The following AMPD2 variants were observed in gnomAD, a reference collection of about 807,000 sequenced individuals.
The protein encoded by AMPD2 is AMP deaminase 2.
Under a neutral mutation model 91.3 loss-of-function variants are expected in AMPD2, and 52 were observed. That is an observed-to-expected ratio of 0.57 (90% confidence interval 0.46 to 0.72). The LOEUF (loss-of-function observed/expected upper bound fraction) is 0.72. Among genes scored for constraint, AMPD2 ranks in the 30% least tolerant of loss-of-function variants. AMPD2 has a pLI of 0.00. For missense variants in AMPD2, 822 were observed against 1,122.3 expected (o/e 0.73, Z 3.82); for synonymous variants, 455 against 456.4 (o/e 1.00, Z 0.04).
rs377594467 is a variant in AMPD2 at position 109,629,943 on chromosome 1, C to T, written c.1983+27C>T. ...TCAGGATCTGCACCCCTAGCCTTCC[C>T]TCCCAATTGTTCACCTTCCTCTGAA... On this transcript the variant is annotated intron_variant, in intron 16 of 18. Coordinates refer to ENST00000528667, the MANE Select transcript of AMPD2 (RefSeq NM_001368809.2). 32 of 1,574,978 alleles carry T rather than the reference C, an allele frequency of 2.0e-5. No individual in the cohort carries two copies. The Middle Eastern group carries it at 6.8e-4, about 33-fold the overall frequency.
chr1:109,626,522 G>T, intron 6 of AMPD2, 95 bp downstream of exon 6: 2 of 1,363,734 alleles, frequency 1.5e-6, no homozygotes, highest in Non-Finnish European at 2.0e-6. Flanking sequence ...TGGAAAGGGC[G>T]TTTCTCTTTC....
rs867977734 is a variant in AMPD2 at position 109,620,942 on chromosome 1, T to C, written c.-234T>C. 2.6e-6 allele frequency: 4 copies of C among 1,514,364 alleles called. No homozygotes were observed. The South Asian group carries it at 5.3e-5, about 20-fold the overall frequency. 93.8% of individuals were successfully genotyped at this position (1,514,364 alleles called of 1,614,324 possible). ...CAGCCACCATCAGTCACGTCACTCC[T>C]GGGACTGAGGAGGCAGGGGAGGGAT... is the stretch of plus-strand genomic sequence containing the variant. On this transcript the variant is annotated 5_prime_UTR_variant, in exon 2 of 19. Coordinates refer to ENST00000528667, the MANE Select transcript of AMPD2 (RefSeq NM_001368809.2).
rs747128794 is a variant in AMPD2, at chr1:109,626,813, A to T, written c.619A>T (p.Ser207Cys). ...GAAGTACATGGCCCTGTCCCTGCAG[A>T]GCTTCTGCCCCACCACCCGCCGCTA... ...REKYMALSLQ[S>C]FCPTTRRYLQ... The change falls in exon 7 of 19, where the codon AGC (serine) becomes TGC (cysteine). Residue 207 changes from serine to cysteine, a missense_variant. This residue lies in a region of AMPD2 where 240 missense variants were observed against 270.3 expected (regional missense o/e 0.89). Coordinates refer to ENST00000528667, the MANE Select transcript of AMPD2 (RefSeq NM_001368809.2). The T allele has an allele frequency of 6.2e-7, 1 of 1,613,658 alleles. No homozygotes were observed. Among genetic ancestry groups the T allele is most frequent in the Non-Finnish European group, 8.5e-7 (1 of 1,179,886 alleles).
Position 109,625,029 on chromosome 1 carries a change from T to C in AMPD2, c.92-274T>C, listed in dbSNP as rs986013493. Among the ~76,000 whole-genome samples the C allele has an allele frequency of 2.3e-4, 35 of 152,144 alleles. No homozygotes were observed. Among genetic ancestry groups the C allele is most frequent in the African/African-American group, 8.4e-4 (35 of 41,432 alleles). On this transcript the variant is annotated intron_variant, in intron 2 of 18. Transcript: ENST00000528667. The surrounding 1 kb of genome is among the most constrained non-coding windows in gnomAD (Gnocchi z 4.0). ...TCTCATGGCCTGAGGGATCAGGCTC[T>C]AGTCTCATTTGTGGAGGTAATGAAT...
At chr1:109,632,051 AT>A (rs1158487448), downstream of AMPD2, 11 of 152,714 alleles carry the variant, frequency 7.2e-5, no homozygotes, top group African/African-American at 2.4e-4. Context: ...TATTTAAGTA[AT>A]GAGGCAGGTG....
At chr1:109,622,668 A>AG (rs1326199224) in intron 2 of AMPD2, among the ~76,000 whole-genome samples, 1 of 152,036 alleles carries the variant, frequency 6.6e-6, no homozygotes, top group African/African-American at 2.4e-5. Context: ...AGCCCTGGAG[A>AG]GTGGTCTGGC....
Position 109,627,527 on chromosome 1 carries a change from C to T in AMPD2, c.950+9C>T. ...ATTATCAATGGCCCCATGTGAGTCC[C>T]CTGCCATCCCAGACACTTAGCTCCC... On this transcript the variant is annotated intron_variant, in intron 9 of 18. Coordinates refer to ENST00000528667, the MANE Select transcript of AMPD2 (RefSeq NM_001368809.2). The T allele has an allele frequency of 6.2e-7, 1 of 1,613,924 alleles. No individual in the cohort carries two copies. The highest frequency in any genetic ancestry group is 8.5e-7 in the Non-Finnish European group (1 of 1,179,876).
intron 2 of AMPD2, chr1:109,622,350 G>T (rs1231543014): frequency 2.2e-6 from 1 of 454,672 alleles, no homozygotes; most frequent in African/African-American, 2.0e-5. Flanking sequence ...TCGGTGGTCA[G>T]ATGGTAAGAG....
chr1:109,620,245 G>GC lies in AMPD2; in HGVS notation c.-294dup. The GC allele has an allele frequency of 6.2e-7, 1 of 1,614,126 alleles. No homozygotes were observed. On this transcript the variant is annotated 5_prime_UTR_variant, in exon 1 of 19. Coordinates refer to ENST00000528667, the MANE Select transcript of AMPD2 (RefSeq NM_001368809.2). ...CTGCTGTACAGACTTCTCGTGGGCA[G>GC]CCTCCCCTCGGAACTCGGGCATCAT...
rs867261325 is a variant in AMPD2, at chr1:109,630,115, G to A, written c.1984-118G>A. 21 of 1,370,878 alleles carry A rather than the reference G, an allele frequency of 1.5e-5. No homozygotes were observed. The Middle Eastern group carries it at 7.5e-4, about 49-fold the overall frequency. The allele number at this position is 1,370,878 out of a possible 1,614,324, so 84.9% of individuals were successfully genotyped here. ...TGACTAATTCACCCTTTGCACATCA[G>A]GCCAAGCCTGGATTCCCCTCCCCCT... On this transcript the variant is annotated intron_variant, in intron 16 of 18. Coordinates refer to ENST00000528667, the MANE Select transcript of AMPD2 (RefSeq NM_001368809.2).
chr1:109,630,459 T>TCC, intron 17 of AMPD2, 53 bp downstream of exon 17: 1 of 403,468 alleles, frequency 2.5e-6, no homozygotes, highest in Non-Finnish European at 4.2e-6. Flanking sequence ...CGCTGGGGTC[T>TCC]CCCGGGTTGG....
chr1:109,625,480 T>G lies in AMPD2; in HGVS notation c.222+47T>G, dbSNP rs1191484082. 3.7e-6 allele frequency: 6 copies of G among 1,612,260 alleles called. No individual in the cohort carries two copies. In the South Asian group the frequency reaches 6.6e-5, roughly 18 times the overall value. ...ACCCTCACCCCGTGTCTCCATGCCC[T>G]GCCTCTGCTCCCCACACCCCTCACC... On this transcript the variant is annotated intron_variant, in intron 3 of 18. Transcript: ENST00000528667. This position sits in a 1 kb window ranked among gnomAD's most constrained non-coding sequence, Gnocchi z 4.0.
Position 109,625,592 on chromosome 1 carries a change from C to A in AMPD2, c.223-70C>A. 1 of 1,601,482 alleles carries A rather than the reference C, an allele frequency of 6.2e-7. No homozygotes were observed. The highest frequency in any genetic ancestry group is 8.5e-7 in the Non-Finnish European group (1 of 1,170,608). The stretch of plus-strand genomic sequence containing the variant: ...CCTGGTCCTGCTGCCCTCACCCCAT[C>A]CCCAGACTCTGTAGGAGAGTGCCCG... On this transcript the variant is annotated intron_variant, in intron 3 of 18. Coordinates refer to ENST00000528667, the MANE Select transcript of AMPD2 (RefSeq NM_001368809.2). This position sits in a 1 kb window ranked among gnomAD's most constrained non-coding sequence, Gnocchi z 4.0.
intron 1 of AMPD2, 88 bp downstream of exon 1, chr1:109,620,366 C>T (rs1225449360): frequency 1.9e-6 from 3 of 1,575,686 alleles, no homozygotes; most frequent in Admixed American, 3.4e-5. Flanking sequence ...AGTCACAGCA[C>T]AGCAGCAGGA....
At chr1:109,621,429 T>TGTGGGGGGGGGGG in intron 2 of AMPD2, 163 bp downstream of exon 2, 4 of 139,166 alleles carry the variant, frequency 2.9e-5, no homozygotes, top group Non-Finnish European at 4.3e-5. Context: ...GAAGGTGGGG[T>TGTGGGGGGGGGGG]GAGGGGTGGT....
Position 109,628,799 on chromosome 1 carries a change from C to T in AMPD2, c.1564C>T (p.Arg522Cys), listed in dbSNP as rs1182589168. The change falls in exon 13 of 19, where the codon CGC (arginine) becomes TGC (cysteine). Residue 522 changes from arginine to cysteine, a missense_variant. Physicochemically the swap from Arg to Cys is radical, Grantham distance 180. This residue lies in a region of AMPD2 where 430 missense variants were observed against 606.0 expected (regional missense o/e 0.71). Transcript: ENST00000528667. The surrounding 1 kb of genome is among the most constrained non-coding windows in gnomAD (Gnocchi z 7.1). ...PNVRWLVQVP[R>C]LFDVYRTKGQ... The stretch of plus-strand genomic sequence containing the variant: ...CGTGCGCTGGCTGGTGCAGGTGCCC[C>T]GCCTCTTGTGAGTGTCCCTGGAGTG... 6.4e-7 allele frequency: 1 copy of T among 1,561,538 alleles called. No individual in the cohort carries two copies. The highest frequency in any genetic ancestry group is 2.4e-5 in the East Asian group (1 of 41,478).
At chr1:109,622,457 G>A (rs1650345100) in intron 2 of AMPD2, 1 of 364,520 alleles carries the variant, frequency 2.7e-6, no homozygotes, top group Admixed American at 3.5e-5. Flanking sequence ...AGGGGAGATG[G>A]GGTGCTCAGA....
rs867331549 is a variant in AMPD2 at position 109,626,128 on chromosome 1, T to C, written c.354-32T>C. 20 of 1,613,138 alleles carry C rather than the reference T, an allele frequency of 1.2e-5. 1 individual carries two copies. In the Middle Eastern group the frequency reaches 1.8e-3, roughly 147 times the overall value. Reference sequence around the variant, plus strand: ...TGGGAGCAAGGGCCGTCCCTCGGGATCTGCCTGACTTCTCACCCCTCTTGC... The same window carrying C: ...TGGGAGCAAGGGCCGTCCCTCGGGACCTGCCTGACTTCTCACCCCTCTTGC... On this transcript the variant is annotated intron_variant, in intron 4 of 18. Transcript: ENST00000528667.
chr1:109,627,519 G>A lies in AMPD2; in HGVS notation c.950+1G>A, dbSNP rs1453477565. On this transcript the variant is annotated splice_donor_variant, in intron 9 of 18. Coordinates refer to ENST00000528667, the MANE Select transcript of AMPD2 (RefSeq NM_001368809.2). LOFTEE classifies it high-confidence loss of function. ...TGGCCCTGATTATCAATGGCCCCAT[G>A]TGAGTCCCCTGCCATCCCAGACACT... 1 of 1,613,874 alleles carries A rather than the reference G, an allele frequency of 6.2e-7. No homozygotes were observed. The highest frequency in any genetic ancestry group is 1.3e-5 in the African/African-American group (1 of 74,876).
Sources: gnomAD v4.1 joint callset for allele counts (sites outside exome capture counted in the v4.1 genomes callset) on GRCh38, gnomAD v4.1.1 for gene constraint, gnomAD v4.1.1 regional missense constraint, Gnocchi (gnomAD v3.1) non-coding constraint, MANE v1.5 for transcripts, NCBI Gene and HGNC (gene_info 2026-07-23, HGNC 2026-07-21) for gene names.